The following TOB1 variants were observed in gnomAD, a reference collection of about 807,000 sequenced individuals.
The protein encoded by TOB1 is transducer of ERBB2, 1.
TOB1 carries 2 observed loss-of-function variants against 22.9 expected under a neutral mutation model. That is an observed-to-expected ratio of 0.09 (90% CI 0.04 to 0.28). The LOEUF is 0.28. TOB1 is among the 10% of genes least tolerant of loss of function. The pLI, the probability that TOB1 is intolerant of heterozygous loss-of-function variation, is 1.00. For missense variants in TOB1, 299 were observed against 420.5 expected, an observed-to-expected ratio of 0.71 and a Z score of 2.53; for synonymous variants, 154 against 150.6, an observed-to-expected ratio of 1.02 and a Z score of -0.17.
upstream of TOB1, chr17:50,867,676 C>A (rs935580488): frequency 6.6e-6 from 1 of 152,376 alleles, no homozygotes; most frequent in Admixed American, 6.5e-5. Flanking sequence ...CTTCCCCTTT[C>A]CCCTTTCCCC....
chr17:50,865,571 C>T (rs1426966801), intron 1 of TOB1, among the ~76,000 whole-genome samples: 1 of 152,144 alleles, frequency 6.6e-6, no homozygotes, highest in Admixed American at 6.5e-5. Flanking sequence ...CAACCTCTCC[C>T]GGCTGGGCAC....
chr17:50,862,911 C>A lies in TOB1; in HGVS notation c.*69G>T. ...CTATAAGCTTAAAAAAAAAAATTCT[C>A]AAGGAGGTGAAAAAAAAAATCCCCC... On this transcript the variant is annotated 3_prime_UTR_variant, in exon 2 of 2. Coordinates refer to ENST00000499247, the MANE Select transcript of TOB1 (RefSeq NM_005749.4). 6.8e-7 allele frequency: 1 copy of A among 1,479,072 alleles called. No individual in the cohort carries two copies. The allele number at this position is 1,479,072 out of a possible 1,614,324, so 91.6% of individuals were successfully genotyped here. A position where few individuals can be genotyped will look rare whatever the true frequency, so the allele number is the denominator to read the frequency against.
chr17:50,865,082 G>C (rs1972275875), intron 1 of TOB1, among the ~76,000 whole-genome samples: 1 of 152,158 alleles, frequency 6.6e-6, no homozygotes. Context: ...ATCAGCACTG[G>C]GTGGGGATAA....
At position 50,863,010 on chromosome 17, in the gene TOB1, G is replaced by A; in HGVS notation, c.1008C>T (p.Asn336=). 1 of 1,613,426 alleles carries A rather than the reference G, an allele frequency of 6.2e-7. No individual in the cohort carries two copies. Among genetic ancestry groups the A allele is most frequent in the Non-Finnish European group, 8.5e-7 (1 of 1,179,780 alleles). Reference sequence around the variant, plus strand: ...TAGCCATAACAGGCTGGAATTGCTGGTTAGAATACTGCATGTTATTTAAGC... The same window carrying A: ...TAGCCATAACAGGCTGGAATTGCTGATTAGAATACTGCATGTTATTTAAGC... The part of the protein sequence containing the change: ...NFSLNNMQYS[N]QQFQPVMAN Residue 336 remains asparagine (N), a synonymous_variant, in exon 2 of 2, where the codon AAC becomes AAT. Transcript: ENST00000499247.
At chr17:50,867,475 A>G (rs996670500), upstream of TOB1, 18 of 152,214 alleles carry the variant, frequency 1.2e-4, no homozygotes, top group Admixed American at 1.1e-3. Context: ...CGTCCCTCTC[A>G]GCTAAAAATA....
intron 1 of TOB1, 79 bp from the exon 2 acceptor site, chr17:50,864,242 C>G: frequency 1.3e-6 from 1 of 792,978 alleles, no homozygotes; most frequent in Non-Finnish European, 1.7e-6. Context: ...AAAGTAATTT[C>G]ACCTTTCAAA....
In TOB1 at chr17:50,863,436, A is replaced by G. The variant is rs889005511; in HGVS notation, c.582T>C (p.Asn194=). Residue 194 remains asparagine (N), a synonymous_variant, in exon 2 of 2, where the codon AAT becomes AAC. Coordinates refer to ENST00000499247, the MANE Select transcript of TOB1 (RefSeq NM_005749.4). Reference sequence around the variant, plus strand: ...GTGCAACCTTGTTGCTACGGCCACTATTCTTCATTTTGGTAGAGCCGAACT... The same window carrying G: ...GTGCAACCTTGTTGCTACGGCCACTGTTCTTCATTTTGGTAGAGCCGAACT... The part of the protein sequence containing the change: ...ATKFGSTKMK[N]SGRSNKVART... 4.3e-6 allele frequency: 7 copies of G among 1,614,076 alleles called. No individual in the cohort carries two copies. The highest frequency in any genetic ancestry group is 5.9e-6 in the Non-Finnish European group (7 of 1,180,042).
chr17:50,865,786 C>T (rs934183348), intron 1 of TOB1, among the ~76,000 whole-genome samples: 1 of 152,072 alleles, frequency 6.6e-6, no homozygotes, highest in African/African-American at 2.4e-5. Flanking sequence ...CTCGTCGCTC[C>T]TCCGGGCACC....
chr17:50,863,814 A>T lies in TOB1; in HGVS notation c.204T>A (p.Ile68=). 1 of 1,614,108 alleles carries T rather than the reference A, an allele frequency of 6.2e-7. No individual in the cohort carries two copies. The highest frequency in any genetic ancestry group is 8.5e-7 in the Non-Finnish European group (1 of 1,180,026). The change falls in exon 2 of 2, where the codon ATT becomes ATA. Residue 68 remains isoleucine (I), a synonymous_variant. Transcript: ENST00000499247. ...IHIGEKVDPV[I]EQASKESGLD... is the part of the protein sequence containing the mutation. ...AACCACTCTCTTTGGATGCTTGTTC[A>T]ATCACTGGGTCCACTTTCTCCCCTA...
chr17:50,863,829 T>C lies in TOB1; in HGVS notation c.189A>G (p.Lys63=), dbSNP rs751087917. The C allele has an allele frequency of 3.7e-6, 6 of 1,614,096 alleles. 1 individual carries two copies. In the South Asian group the frequency reaches 6.6e-5, roughly 18 times the overall value. ...SGFRCIHIGE[K]VDPVIEQASK... The stretch of plus-strand genomic sequence containing the variant: ...ATGCTTGTTCAATCACTGGGTCCAC[T>C]TTCTCCCCTATGTGTATACATCTAA... Residue 63 remains lysine (K), a synonymous_variant, in exon 2 of 2, where the codon AAA becomes AAG. Transcript: ENST00000499247.
Position 50,863,874 on chromosome 17 carries a change from C to T in TOB1, c.144G>A (p.Lys48=), listed in dbSNP as rs1972256839. 1 of 1,614,094 alleles carries T rather than the reference C, an allele frequency of 6.2e-7. No homozygotes were observed. Among genetic ancestry groups the T allele is most frequent in the South Asian group, 1.1e-5 (1 of 91,084 alleles). The change falls in exon 2 of 2, where the codon AAG becomes AAA. Residue 48 remains lysine (K), a synonymous_variant. Transcript: ENST00000499247. ...ATCTAAACCCCGATCCTTTGTATGG[C>T]TTTTCAGGATACCAGTGCCCTTCAT... ...KKYEGHWYPE[K]PYKGSGFRCI...
In TOB1 at chr17:50,863,604, A is replaced by C; in HGVS notation, c.414T>G (p.Val138=). Residue 138 remains valine (V), a synonymous_variant, in exon 2 of 2, where the codon GTT becomes GTG. Coordinates refer to ENST00000499247, the MANE Select transcript of TOB1 (RefSeq NM_005749.4). ...AGGCTGGGTCACTTATGGGCATAAAAACCTGGGCCTCTGGGTTAAAGCTGT... is the reference window on the plus strand; with the variant it reads ...AGGCTGGGTCACTTATGGGCATAAACACCTGGGCCTCTGGGTTAAAGCTGT... ...IKNSFNPEAQ[V]FMPISDPASS... is the part of the protein sequence containing the mutation. 6.2e-7 allele frequency: 1 copy of C among 1,614,090 alleles called. No individual in the cohort carries two copies. The highest frequency in any genetic ancestry group is 8.5e-7 in the Non-Finnish European group (1 of 1,180,016).
At position 50,863,860 on chromosome 17, in the gene TOB1, G is replaced by A. The variant is rs1972256355; in HGVS notation, c.158C>T (p.Ser53Leu). ...CCCTATGTGTATACATCTAAACCCC[G>A]ATCCTTTGTATGGCTTTTCAGGATA... is the stretch of plus-strand genomic sequence containing the variant. ...HWYPEKPYKG[S>L]GFRCIHIGEK... The change falls in exon 2 of 2, where the codon TCG becomes TTG. Residue 53 changes from serine (S) to leucine (L), a missense_variant. Coordinates refer to ENST00000499247, the MANE Select transcript of TOB1 (RefSeq NM_005749.4). 1.9e-6 allele frequency: 3 copies of A among 1,613,910 alleles called. No homozygotes were observed. The highest frequency in any genetic ancestry group is 1.7e-6 in the Non-Finnish European group (2 of 1,180,008).
chr17:50,862,880 T>C lies in TOB1; in HGVS notation c.*100A>G. The C allele has an allele frequency of 2.1e-6, 3 of 1,419,620 alleles. No homozygotes were observed. Among genetic ancestry groups the C allele is most frequent in the Non-Finnish European group, 1.9e-6 (2 of 1,073,682 alleles). 87.9% of individuals were successfully genotyped at this position (1,419,620 alleles called of 1,614,324 possible). ...ATTTTTTTAACCAAGCTTGAATGTA[T>C]CCTTACTATAAGCTTAAAAAAAAAA... On this transcript the variant is annotated 3_prime_UTR_variant, in exon 2 of 2. Coordinates refer to ENST00000499247, the MANE Select transcript of TOB1 (RefSeq NM_005749.4).
At position 50,863,986 on chromosome 17, in the gene TOB1, A is replaced by G. The variant is rs1331564836; in HGVS notation, c.32T>C (p.Phe11Ser). 1 of 1,593,154 alleles carries G rather than the reference A, an allele frequency of 6.3e-7. No individual in the cohort carries two copies. The highest frequency in any genetic ancestry group is 8.6e-7 in the Non-Finnish European group (1 of 1,168,706). The stretch of plus-strand genomic sequence containing the variant: ...CTTATTGTACAAATACGAAATAATA[A>G]AATTTAGTGCTACTTGGATTTCAAG... The part of the protein sequence containing the change: MQLEIQVALN[F>S]IISYLYNKLP... The change falls in exon 2 of 2, where the codon TTT (phenylalanine) becomes TCT (serine). Residue 11 changes from phenylalanine (F) to serine (S), a missense_variant. Transcript: ENST00000499247.
Position 50,864,001 on chromosome 17 carries a change from T to C in TOB1, c.17A>G (p.Gln6Arg), listed in dbSNP as rs755783412. 7.0e-6 allele frequency: 11 copies of C among 1,579,888 alleles called. No individual in the cohort carries two copies. In the East Asian group the frequency reaches 2.5e-4, roughly 36 times the overall value. Residue 6 changes from glutamine (Q) to arginine (R), a missense_variant, in exon 2 of 2, where the codon CAA becomes CGA. Gln to Arg is a conservative substitution (Grantham distance 43). Coordinates refer to ENST00000499247, the MANE Select transcript of TOB1 (RefSeq NM_005749.4). ...CGAAATAATAAAATTTAGTGCTACT[T>C]GGATTTCAAGCTGCATAGCTGCTAC... MQLEI[Q>R]VALNFIISYL... is the part of the protein sequence containing the mutation.
Position 50,862,878 on chromosome 17 carries a change from T to G in TOB1, c.*102A>C. 7.1e-7 allele frequency: 1 copy of G among 1,408,872 alleles called. No individual in the cohort carries two copies. The highest frequency in any genetic ancestry group is 9.4e-7 in the Non-Finnish European group (1 of 1,065,890). 87.3% of individuals were successfully genotyped at this position (1,408,872 alleles called of 1,614,324 possible). On this transcript the variant is annotated 3_prime_UTR_variant, in exon 2 of 2. Coordinates refer to ENST00000499247, the MANE Select transcript of TOB1 (RefSeq NM_005749.4). The stretch of plus-strand genomic sequence containing the variant: ...TTATTTTTTTAACCAAGCTTGAATG[T>G]ATCCTTACTATAAGCTTAAAAAAAA...
chr17:50,863,117 G>A lies in TOB1; in HGVS notation c.901C>T (p.Leu301Phe), dbSNP rs775919369. 1.2e-6 allele frequency: 2 copies of A among 1,614,166 alleles called. No individual in the cohort carries two copies. The highest frequency in any genetic ancestry group is 4.5e-5 in the East Asian group (2 of 44,888). The change falls in exon 2 of 2, where the codon CTC (leucine) becomes TTC (phenylalanine). Residue 301 changes from leucine to phenylalanine, a missense_variant. Transcript: ENST00000499247. The stretch of plus-strand genomic sequence containing the variant: ...ACATCAAAGGCATTACTGTACTGGA[G>A]AGGACTGAGGTTAAGGGGGCTGTCA... ...PGDSPLNLSP[L>F]QYSNAFDVFA...
At chr17:50,865,564 C>A (rs1972285733) in intron 1 of TOB1, among the ~76,000 whole-genome samples, 1 of 152,174 alleles carries the variant, frequency 6.6e-6, no homozygotes, top group Non-Finnish European at 1.5e-5. Context: ...GGAAGAGCAA[C>A]CTCTCCCGGC....
Sources: allele counts gnomAD v4.1 joint callset (sites outside exome capture counted in the v4.1 genomes callset), GRCh38; gene constraint gnomAD v4.1.1; transcripts MANE v1.5; gene names NCBI Gene and HGNC (gene_info 2026-07-23, HGNC 2026-07-21).